The following PLEKHM3 variants were observed in gnomAD, a reference collection of about 807,000 sequenced individuals.
PLEKHM3 encodes pleckstrin homology domain containing M3, also known as pleckstrin homology domain-containing family M member 3.
In PLEKHM3, 45 loss-of-function variants were observed where a neutral mutation model predicts 81.8. That is an observed-to-expected ratio of 0.55 (90% CI 0.43 to 0.71). The LOEUF is 0.71. PLEKHM3 is among the 30% of genes least tolerant of loss of function. PLEKHM3 has a pLI of 0.00. For synonymous variants in PLEKHM3, 352 were observed against 356.4 expected, an observed-to-expected ratio of 0.99 and a Z score of 0.14; for missense variants, 788 against 924.3, an observed-to-expected ratio of 0.85 and a Z score of 1.91.
intron 6 of PLEKHM3, among the ~76,000 whole-genome samples, chr2:207,884,335 C>T (rs947434089): frequency 6.6e-6 from 1 of 151,918 alleles, no homozygotes; most frequent in Non-Finnish European, 1.5e-5. Context: ...AAGTTCTAGC[C>T]AGGGCAATCA....
intron 5 of PLEKHM3, among the ~76,000 whole-genome samples, chr2:207,929,632 T>A (rs1325040332): frequency 6.6e-6 from 1 of 152,376 alleles, no homozygotes; most frequent in African/African-American, 2.4e-5. Context: ...CTAGACTTTA[T>A]AAGAATAAAT....
At chr2:207,990,517 C>T (rs548051670) in intron 2 of PLEKHM3, among the ~76,000 whole-genome samples, 2 of 152,194 alleles carry the variant, frequency 1.3e-5, no homozygotes, top group South Asian at 2.1e-4. Flanking sequence ...TTATAGTACT[C>T]GACTATGTTC....
At chr2:207,860,149 CTCTGTGTGTGTGTGTG>C (rs2092459157) in intron 7 of PLEKHM3, among the ~76,000 whole-genome samples, 2 of 63,836 alleles carry the variant, frequency 3.1e-5, no homozygotes, top group African/African-American at 1.3e-4. Flanking sequence ...TGAACTCTGC[CTCTGTGTGTGTGTGTG>C]TGTGTGTGTG....
At chr2:207,908,449 C>T (rs1688694013) in intron 6 of PLEKHM3, 65 bp downstream of exon 6, 1 of 1,475,350 alleles carries the variant, frequency 6.8e-7, no homozygotes, top group Admixed American at 1.9e-5. Flanking sequence ...GTGCAAAGAC[C>T]AAAGTCAACA....
At chr2:207,880,160 A>G (rs540546496) in intron 6 of PLEKHM3, among the ~76,000 whole-genome samples, 7 of 152,364 alleles carry the variant, frequency 4.6e-5, no homozygotes, top group African/African-American at 1.7e-4. Context: ...CAATCTCAGC[A>G]CTTAGGGAGG....
Position 207,881,968 on chromosome 2 carries a change from C to T in PLEKHM3, c.1951-20706G>A, listed in dbSNP as rs80100098. Among the ~76,000 whole-genome samples, 836 of 152,236 alleles carry T rather than the reference C, an allele frequency of 5.5e-3. 12 individuals are homozygous for T. The highest frequency in any genetic ancestry group is 0.019 in the African/African-American group (796 of 41,554). On this transcript the variant is annotated intron_variant, in intron 6 of 7. Transcript: ENST00000427836. ...CCACCTCTTGGGAATAAGCCTGGTT[C>T]AAGGTCCTGGTTTAACAAAACAACA... is the stretch of plus-strand genomic sequence containing the variant.
chr2:207,849,106 G>A (rs544839292), intron 7 of PLEKHM3, among the ~76,000 whole-genome samples: 25 of 152,254 alleles, frequency 1.6e-4, no homozygotes, highest in African/African-American at 5.1e-4. Flanking sequence ...GGCCGAGGCG[G>A]GCGGATCACT....
intron 3 of PLEKHM3, among the ~76,000 whole-genome samples, chr2:207,971,760 C>T (rs1691129223): frequency 6.6e-6 from 1 of 152,188 alleles, no homozygotes; most frequent in Admixed American, 6.5e-5. Context: ...AGTAATTTCA[C>T]CGAAGAAGCA....
At chr2:207,914,729 TAAACTTCATTATATTAAG>T (rs1688928518) in intron 5 of PLEKHM3, among the ~76,000 whole-genome samples, 1 of 150,424 alleles carries the variant, frequency 6.6e-6, no homozygotes, top group Non-Finnish European at 1.5e-5. Context: ...ATTTAACCCC[TAAACTTCATTATATTAAG>T]AACCAAAAGC....
rs1170345193 is a variant in PLEKHM3 at position 207,969,565 on chromosome 2, A to AT, written c.1546+7085dup. ...AAGGTCAATAATGTTTGTTTAATAT[A>AT]TTTTGCTTTCATAGGAGCTTGAAAT... On this transcript the variant is annotated intron_variant, in intron 3 of 7. Transcript: ENST00000427836. Among the ~76,000 whole-genome samples, 3 of 152,202 alleles carry AT rather than the reference A, an allele frequency of 2.0e-5. No individual in the cohort carries two copies. In the East Asian group the frequency reaches 5.8e-4, roughly 29 times the overall value.
intron 3 of PLEKHM3, among the ~76,000 whole-genome samples, chr2:207,968,096 G>A (rs1690980401): frequency 1.3e-5 from 2 of 151,748 alleles, no homozygotes; most frequent in Admixed American, 6.6e-5. Flanking sequence ...ATTGTAGTAT[G>A]TGCATTGTTT....
At chr2:207,961,069 C>T (rs1461164330) in intron 3 of PLEKHM3, among the ~76,000 whole-genome samples, 1 of 152,244 alleles carries the variant, frequency 6.6e-6, no homozygotes. Context: ...TGTGAAAAGG[C>T]TGGCTCGGGG....
chr2:207,960,861 C>CCAAAA (rs1690705137), intron 3 of PLEKHM3, among the ~76,000 whole-genome samples: 2 of 152,292 alleles, frequency 1.3e-5, no homozygotes, highest in Non-Finnish European at 2.9e-5. Context: ...GGCCATAAGA[C>CCAAAA]GACTTCTCTT....
At chr2:207,829,064 GA>G (rs986896648) in intron 7 of PLEKHM3, among the ~76,000 whole-genome samples, 3 of 152,044 alleles carry the variant, frequency 2.0e-5, no homozygotes, top group Non-Finnish European at 2.9e-5. Context: ...TAAAAATTAG[GA>G]AAAAACTCCT....
chr2:207,939,469 T>C (rs947598682), intron 4 of PLEKHM3, among the ~76,000 whole-genome samples: 1 of 152,096 alleles, frequency 6.6e-6, no homozygotes, highest in Admixed American at 6.5e-5. Context: ...GAAACGGTTA[T>C]GGATGAAGGA....
In PLEKHM3 at chr2:207,858,136, ATGTGTGTGTG is replaced by A. The variant is rs141449083; in HGVS notation, c.2108+2959_2108+2968del. On this transcript the variant is annotated intron_variant, in intron 7 of 7. Transcript: ENST00000427836. ...AAATATTTTGGGGTTTCATATAGAT[ATGTGTGTGTG>A]TGTGTGTGTGTGTGTGTGTGTGTGT... is the stretch of plus-strand genomic sequence containing the variant. Among the ~76,000 whole-genome samples the A allele has an allele frequency of 5.8e-3, 730 of 126,956 alleles. 6 individuals carry two copies. The highest frequency in any genetic ancestry group is 0.019 in the South Asian group (72 of 3,856). 83.3% of individuals were successfully genotyped at this position (126,956 alleles called of 152,430 possible).
chr2:207,857,250 A>G (rs2092441635), intron 7 of PLEKHM3, among the ~76,000 whole-genome samples: 3 of 152,188 alleles, frequency 2.0e-5, no homozygotes, highest in Admixed American at 6.6e-5. Context: ...GGATTGTTAC[A>G]TCTTTTTGGA....
chr2:207,923,344 A>T, intron 5 of PLEKHM3, among the ~76,000 whole-genome samples: 1 of 152,250 alleles, frequency 6.6e-6, no homozygotes, highest in East Asian at 1.9e-4. Context: ...GCGGTGGCTC[A>T]TGCCTGTAAT....
chr2:207,884,138 C>T (rs1355409757), intron 6 of PLEKHM3, among the ~76,000 whole-genome samples: 1 of 151,030 alleles, frequency 6.6e-6, no homozygotes, highest in Middle Eastern at 3.4e-3. Flanking sequence ...CGTCCCCACC[C>T]CCACCCCCCA....
Sources: gnomAD v4.1 joint callset for allele counts (sites outside exome capture counted in the v4.1 genomes callset) on GRCh38, gnomAD v4.1.1 for gene constraint, MANE v1.5 for transcripts, NCBI Gene and HGNC (gene_info 2026-07-23, HGNC 2026-07-21) for gene names.